Variants in WDPCP observed in about 807,000 individuals in gnomAD.
WDPCP encodes the protein WD repeat containing planar cell polarity effector.
A neutral mutation model predicts 93.1 loss-of-function variants in WDPCP; 71 were observed. The ratio of observed to expected loss-of-function variants is 0.76; its 90% CI spans 0.63 to 0.93. The LOEUF (loss-of-function observed/expected upper bound fraction) is 0.93, where lower values mean the gene tolerates loss of function less well. WDPCP is among the 40% of genes least tolerant of loss of function. The pLI, the probability that WDPCP is intolerant of heterozygous loss-of-function variation, is 0.00. For missense variants in WDPCP, 844 were observed against 887.4 expected, an observed-to-expected ratio of 0.95 and a Z score of 0.62; for synonymous variants, 315 against 315.0, an observed-to-expected ratio of 1.00 and a Z score of 0.00.
chr2:63,319,686 G>C (rs919146138), intron 12 of WDPCP, among the ~76,000 whole-genome samples: 2 of 151,974 alleles, frequency 1.3e-5, no homozygotes, highest in Non-Finnish European at 2.9e-5. Context: ...CACTGTGTTA[G>C]CCAGGATGGT....
In WDPCP at chr2:63,390,132, C is replaced by T. The variant is rs140741485; in HGVS notation, c.1436-8038G>A. On this transcript the variant is annotated intron_variant, in intron 10 of 17. Coordinates refer to ENST00000272321, the MANE Select transcript of WDPCP (RefSeq NM_015910.7). ...CACATTGCACTTATTCTAAAATTGA[C>T]GACATAATTAGAAGTAAAGCACTCC... 6.7e-3 allele frequency among the ~76,000 whole-genome samples: 1,019 copies of T among 152,190 alleles called. 11 individuals are homozygous for T. The highest frequency in any genetic ancestry group is 0.018 in the African/African-American group (739 of 41,522).
intron 8 of WDPCP, 84 bp downstream of exon 8, chr2:63,437,337 A>G: frequency 9.0e-7 from 1 of 1,109,372 alleles, no homozygotes; most frequent in Non-Finnish European, 1.3e-6. Context: ...AATGTTGAAG[A>G]ATAATGAGCA....
intron 17 of WDPCP, among the ~76,000 whole-genome samples, chr2:63,150,320 C>G (rs1174179031): frequency 6.6e-6 from 1 of 152,098 alleles, no homozygotes; most frequent in South Asian, 2.1e-4. Context: ...ATCTTCCTCC[C>G]CCCAGGAGAC....
chr2:63,205,374 G>A (rs962097090), intron 14 of WDPCP, among the ~76,000 whole-genome samples: 6 of 152,086 alleles, frequency 3.9e-5, no homozygotes, highest in Non-Finnish European at 1.5e-5. Flanking sequence ...GATGTCAGTG[G>A]TATTTTGATA....
intron 2 of WDPCP, among the ~76,000 whole-genome samples, chr2:63,657,547 G>A (rs555647679): frequency 1.2e-4 from 18 of 152,192 alleles, no homozygotes; most frequent in African/African-American, 4.3e-4. Flanking sequence ...TGGTTGTTCT[G>A]TGGAGAATAG....
rs1313506633 is a variant in WDPCP, at chr2:63,469,539, TC to T, written c.384+15064del. On this transcript the variant is annotated intron_variant, in intron 6 of 17. Coordinates refer to ENST00000272321, the MANE Select transcript of WDPCP (RefSeq NM_015910.7). Reference sequence around the variant, plus strand: ...GCCATAAAAAGGACTAAGACCATGTTCTTTCCAGGAACATGGATAGCGCTGG... The same window carrying T: ...GCCATAAAAAGGACTAAGACCATGTTTTTCCAGGAACATGGATAGCGCTGG... Among the ~76,000 whole-genome samples, 7 of 152,194 alleles carry T rather than the reference TC, an allele frequency of 4.6e-5. 1 individual carries two copies. Among genetic ancestry groups the T allele is most frequent in the African/African-American group, 1.7e-4 (7 of 41,450 alleles).
Position 63,486,594 on chromosome 2 carries a change from T to A in WDPCP, c.209-8A>T. 6.4e-7 allele frequency: 1 copy of A among 1,571,128 alleles called. No homozygotes were observed. Among genetic ancestry groups the A allele is most frequent in the Non-Finnish European group, 8.7e-7 (1 of 1,154,978 alleles). On this transcript the variant is annotated splice_region_variant and splice_polypyrimidine_tract_variant and intron_variant, in intron 3 of 17. Coordinates refer to ENST00000272321, the MANE Select transcript of WDPCP (RefSeq NM_015910.7). ...AGTTACCATGCTCTGTCGCTGATAT[T>A]GTGGCAGAAGGGATAGAAAGAAAAA...
At chr2:63,831,895 A>G (rs111428973), upstream of WDPCP, among the ~76,000 whole-genome samples, 8 of 152,324 alleles carry the variant, frequency 5.3e-5, no homozygotes, top group African/African-American at 1.9e-4. Context: ...TACAGTTTAC[A>G]GGTGAAAAAT....
intron 3 of WDPCP, chr2:63,597,632 T>C: frequency 7.6e-7 from 1 of 1,322,942 alleles, no homozygotes. Context: ...ACTTATGCTT[T>C]TAGCATTTAA....
intron 13 of WDPCP, among the ~76,000 whole-genome samples, chr2:63,280,014 T>C (rs1162700067): frequency 1.3e-5 from 2 of 152,160 alleles, no homozygotes; most frequent in African/African-American, 2.4e-5. Context: ...CCCATGCTCA[T>C]GGATGGGTAG....
intron 2 of WDPCP, among the ~76,000 whole-genome samples, chr2:63,657,989 C>A (rs549252644): frequency 6.6e-6 from 1 of 152,126 alleles, no homozygotes; most frequent in Admixed American, 6.5e-5. Flanking sequence ...AACTGGTTTT[C>A]CCCCAAGACA....
intron 17 of WDPCP, among the ~76,000 whole-genome samples, chr2:63,152,252 G>A (rs993506595): frequency 6.7e-6 from 1 of 150,024 alleles, no homozygotes; most frequent in Non-Finnish European, 1.5e-5. Context: ...AGCTTCATCA[G>A]TTATCAACTC....
intron 3 of WDPCP, among the ~76,000 whole-genome samples, chr2:63,648,621 A>C (rs1180965600): frequency 1.3e-5 from 2 of 152,226 alleles, no homozygotes; most frequent in Non-Finnish European, 2.9e-5. Flanking sequence ...TGGAAACCAA[A>C]AAATGTATAG....
chr2:63,790,273 A>G (rs942159719), intron 2 of WDPCP, among the ~76,000 whole-genome samples: 10 of 152,228 alleles, frequency 6.6e-5, no homozygotes, highest in Admixed American at 3.9e-4. Flanking sequence ...CCTAAGGAGT[A>G]TAACAATCGA....
intron 3 of WDPCP, among the ~76,000 whole-genome samples, chr2:63,602,079 T>C (rs1246195609): frequency 6.6e-6 from 1 of 152,222 alleles, no homozygotes; most frequent in Non-Finnish European, 1.5e-5. Context: ...ATATTGTAGA[T>C]AATAGTCCTA....
chr2:63,346,364 T>C (rs1204822668), intron 12 of WDPCP, among the ~76,000 whole-genome samples: 2 of 152,190 alleles, frequency 1.3e-5, no homozygotes, highest in African/African-American at 4.8e-5. Flanking sequence ...ATGGAATAGC[T>C]GAGCCTATGT....
At chr2:63,497,621 T>A (rs1246379285) in intron 1 of WDPCP, among the ~76,000 whole-genome samples, 3 of 152,166 alleles carry the variant, frequency 2.0e-5, no homozygotes, top group African/African-American at 7.2e-5. Flanking sequence ...CAAATCAACA[T>A]CCTTTTTAGT....
chr2:63,589,320 A>T, upstream of WDPCP: 1 of 1,550,680 alleles, frequency 6.4e-7, no homozygotes, highest in Non-Finnish European at 8.7e-7. Context: ...GCATGACGGG[A>T]GGACAAAATG....
chr2:63,368,883 G>C (rs1691156162), intron 12 of WDPCP: 1 of 152,522 alleles, frequency 6.6e-6, no homozygotes, highest in African/African-American at 2.4e-5. Flanking sequence ...CTTGAGCTCT[G>C]AGCTCTGCAG....
Sources: gnomAD v4.1 joint callset for allele counts (sites outside exome capture counted in the v4.1 genomes callset) on GRCh38, gnomAD v4.1.1 for gene constraint, MANE v1.5 for transcripts, NCBI Gene and HGNC (gene_info 2026-07-23, HGNC 2026-07-21) for gene names.